The following NELL1 variants were observed in gnomAD, a reference collection of about 807,000 sequenced individuals.
NELL1 encodes neural EGFL like 1, also known as protein kinase C-binding protein NELL1.
Under a neutral mutation model 107.4 loss-of-function variants are expected in NELL1, and 76 were observed. The ratio of observed to expected loss-of-function variants is 0.71; its 90% CI spans 0.59 to 0.86. The LOEUF is 0.86. Ranked by LOEUF, NELL1 falls within the 40% of genes least tolerant of loss-of-function variation. NELL1 has a pLI of 0.00. For missense variants in NELL1, 1,024 were observed against 1,005.5 expected (o/e 1.02, Z -0.25); for synonymous variants, 353 against 341.2 (o/e 1.03, Z -0.38).
chr11:21,265,457 T>C (rs1393406331), intron 14 of NELL1, among the ~76,000 whole-genome samples: 1 of 152,060 alleles, frequency 6.6e-6, no homozygotes, highest in Non-Finnish European at 1.5e-5. Flanking sequence ...TTTTCTGCCA[T>C]CTGTCAGCTC....
chr11:21,048,445 C>G (rs1853409844), intron 12 of NELL1, among the ~76,000 whole-genome samples: 1 of 152,102 alleles, frequency 6.6e-6, no homozygotes, highest in South Asian at 2.1e-4. Flanking sequence ...GATGATCTGT[C>G]TCTTTGCTTC....
chr11:21,014,576 T>C (rs1389400186), intron 12 of NELL1, among the ~76,000 whole-genome samples: 1 of 152,122 alleles, frequency 6.6e-6, no homozygotes, highest in Non-Finnish European at 1.5e-5. Context: ...GCTTACCTCC[T>C]GGTTTCAGCA....
intron 5 of NELL1, among the ~76,000 whole-genome samples, chr11:20,901,437 C>T (rs1015809557): frequency 6.6e-6 from 1 of 152,052 alleles, no homozygotes; most frequent in Non-Finnish European, 1.5e-5. Flanking sequence ...TGAAAAACCA[C>T]TGAAGACCTA....
chr11:20,817,007 T>C (rs551065197), intron 3 of NELL1, among the ~76,000 whole-genome samples: 2 of 152,306 alleles, frequency 1.3e-5, no homozygotes, highest in South Asian at 4.1e-4. Flanking sequence ...TCATGAAGAA[T>C]CAAGTTCTTG....
rs572267145 is a variant in NELL1 at position 21,159,872 on chromosome 11, A to C, written c.1426+46158A>C. Among the ~76,000 whole-genome samples the C allele has an allele frequency of 3.9e-5, 6 of 152,200 alleles. No individual in the cohort carries two copies. In the East Asian group the frequency reaches 1.2e-3, roughly 29 times the overall value. ...ATCCCTCTTAGCTGAGCCACCTACT[A>C]TGTTCAGTTTTAGGATTCAGACCTT... On this transcript the variant is annotated intron_variant, in intron 13 of 19. Transcript: ENST00000357134.
intron 5 of NELL1, among the ~76,000 whole-genome samples, chr11:20,915,437 T>C (rs1306820341): frequency 4.6e-5 from 7 of 151,498 alleles, no homozygotes; most frequent in African/African-American, 1.7e-4. Flanking sequence ...AAGCAGATAC[T>C]CAAGGTGATT....
At chr11:21,550,555 A>C (rs1012474164) in intron 16 of NELL1, among the ~76,000 whole-genome samples, 8 of 152,040 alleles carry the variant, frequency 5.3e-5, no homozygotes, top group Non-Finnish European at 8.8e-5. Flanking sequence ...AGCTTTCTAC[A>C]TATGGCTAGC....
chr11:20,919,791 T>C (rs1162201103), intron 7 of NELL1, among the ~76,000 whole-genome samples: 1 of 152,154 alleles, frequency 6.6e-6, no homozygotes, highest in Admixed American at 6.6e-5. Context: ...TTTTAATGTA[T>C]AATTTATTTC....
At position 21,149,312 on chromosome 11, in the gene NELL1, A is replaced by G. The variant is rs1466625709; in HGVS notation, c.1426+35598A>G. On this transcript the variant is annotated intron_variant, in intron 13 of 19. Transcript: ENST00000357134. ...GTATTAGTCTGGGCTCATGCTGCTA[A>G]TAAAGACATACCCAAGACTGGGTTA... Among the ~76,000 whole-genome samples the G allele has an allele frequency of 5.9e-5, 9 of 152,352 alleles. No homozygotes were observed. The South Asian group carries it at 1.0e-3, about 18-fold the overall frequency.
chr11:21,435,212 T>C (rs1425277578), intron 15 of NELL1, among the ~76,000 whole-genome samples: 1 of 152,140 alleles, frequency 6.6e-6, no homozygotes, highest in Non-Finnish European at 1.5e-5. Flanking sequence ...GGTCCTATCT[T>C]ATTCTTATGA....
chr11:21,083,819 C>T (rs1326925500), intron 12 of NELL1, among the ~76,000 whole-genome samples: 2 of 152,134 alleles, frequency 1.3e-5, no homozygotes, highest in East Asian at 3.8e-4. Flanking sequence ...AATTAAAACA[C>T]ATTAAATACT....
chr11:21,456,816 T>G (rs1460145046), intron 15 of NELL1, among the ~76,000 whole-genome samples: 2 of 152,178 alleles, frequency 1.3e-5, no homozygotes, highest in African/African-American at 4.8e-5. Flanking sequence ...GAAATATATG[T>G]GATGCAGACA....
chr11:20,756,627 C>T (rs961101884), intron 2 of NELL1, among the ~76,000 whole-genome samples: 22 of 147,902 alleles, frequency 1.5e-4, no homozygotes, highest in Non-Finnish European at 2.8e-4. Flanking sequence ...TCCGAAAGTG[C>T]TGGGATTACA....
intron 14 of NELL1, among the ~76,000 whole-genome samples, chr11:21,341,017 G>C (rs1337390453): frequency 6.6e-6 from 1 of 152,096 alleles, no homozygotes; most frequent in Admixed American, 6.5e-5. Flanking sequence ...CCCCTATAAT[G>C]AGTAAGCATT....
intron 15 of NELL1, among the ~76,000 whole-genome samples, chr11:21,402,295 C>T (rs1356867883): frequency 6.6e-6 from 1 of 151,802 alleles, no homozygotes; most frequent in Non-Finnish European, 1.5e-5. Flanking sequence ...TCACACTCTT[C>T]TCAACTTGGG....
Position 21,362,872 on chromosome 11 carries a change from G to C in NELL1, c.1550-7981G>C, listed in dbSNP as rs531704453. Among the ~76,000 whole-genome samples the C allele has an allele frequency of 9.1e-4, 130 of 143,528 alleles. 1 individual carries two copies. Among genetic ancestry groups the C allele is most frequent in the South Asian group, 8.6e-3 (38 of 4,408 alleles). The allele number at this position is 143,528 out of a possible 152,430, so 94.2% of individuals were successfully genotyped here. ...GCTTGCTGCAGCCACAGTGGAGAAT[G>C]GGGGAATGGTCCTCAGGTCAATGGG... On this transcript the variant is annotated intron_variant, in intron 14 of 19. Transcript: ENST00000357134.
At chr11:20,993,443 G>C (rs1488180077) in intron 12 of NELL1, among the ~76,000 whole-genome samples, 1 of 152,152 alleles carries the variant, frequency 6.6e-6, no homozygotes, top group Non-Finnish European at 1.5e-5. Flanking sequence ...TTCTTAATTA[G>C]ACATGATGGC....
chr11:21,470,553 C>T (rs1854150894), intron 15 of NELL1, among the ~76,000 whole-genome samples: 1 of 152,098 alleles, frequency 6.6e-6, no homozygotes. Context: ...TCCCTGATAG[C>T]TCCAAGCCAC....
At chr11:21,462,858 C>G (rs1198876609) in intron 15 of NELL1, among the ~76,000 whole-genome samples, 2 of 151,998 alleles carry the variant, frequency 1.3e-5, no homozygotes, top group Non-Finnish European at 2.9e-5. Flanking sequence ...CTCCTCTTCT[C>G]CTATCTCCAT....
Sources: allele counts gnomAD v4.1 joint callset (sites outside exome capture counted in the v4.1 genomes callset), GRCh38; gene constraint gnomAD v4.1.1; transcripts MANE v1.5; gene names NCBI Gene and HGNC (gene_info 2026-07-23, HGNC 2026-07-21).